The following ADGRG3 variants were observed in gnomAD, a reference collection of about 807,000 sequenced individuals.
ADGRG3 encodes the protein adhesion G protein-coupled receptor G3, also known as G protein-coupled receptor 97.
Under a neutral mutation model 54.3 loss-of-function variants are expected in ADGRG3, and 39 were observed. The ratio of observed to expected loss-of-function variants is 0.72; its 90% CI spans 0.56 to 0.94. The LOEUF (loss-of-function observed/expected upper bound fraction) is 0.94, where lower values mean the gene tolerates loss of function less well. Ranked by LOEUF, ADGRG3 falls within the 40% of genes least tolerant of loss-of-function variation. The pLI, the probability that ADGRG3 is intolerant of heterozygous loss-of-function variation, is 0.00. For synonymous variants in ADGRG3, 312 were observed against 290.0 expected, an observed-to-expected ratio of 1.08 and a Z score of -0.77; for missense variants, 654 against 694.6, an observed-to-expected ratio of 0.94 and a Z score of 0.66.
intron 10 of ADGRG3, 40 bp from the exon 11 acceptor site, chr16:57,685,603 G>A (rs937700438): frequency 6.2e-7 from 1 of 1,600,486 alleles, no homozygotes; most frequent in Non-Finnish European, 8.5e-7. Context: ...CTGGCCAGAG[G>A]TACCACTCCC....
At chr16:57,673,214 T>C in intron 1 of ADGRG3, 107 bp from the exon 2 acceptor site, 1 of 1,092,580 alleles carries the variant, frequency 9.2e-7, no homozygotes, top group East Asian at 2.4e-5. Context: ...GGAGCTGGAA[T>C]TCTAGCCCAA....
At chr16:57,666,583 A>C (rs1261782254), upstream of ADGRG3, among the ~76,000 whole-genome samples, 2 of 152,130 alleles carry the variant, frequency 1.3e-5, no homozygotes, top group Admixed American at 1.3e-4. Flanking sequence ...CACTGGAGCC[A>C]TTGGGAGAAG....
chr16:57,682,660 A>G, intron 8 of ADGRG3: 1 of 984,528 alleles, frequency 1.0e-6, no homozygotes, highest in Non-Finnish European at 1.2e-6. Flanking sequence ...CTCCTCCAGG[A>G]AGCCCCCGGC....
chr16:57,688,911 C>T lies in ADGRG3; in HGVS notation c.*450C>T, dbSNP rs928338682. ...GAGGGGCATTCAGGAGGCCAGCGTTCCCTCAGGCACTGGGGGTTTGTTTTG... is the reference window on the plus strand; with the variant it reads ...GAGGGGCATTCAGGAGGCCAGCGTTTCCTCAGGCACTGGGGGTTTGTTTTG... On this transcript the variant is annotated 3_prime_UTR_variant, in exon 12 of 12. Transcript: ENST00000333493. 2.6e-4 allele frequency: 42 copies of T among 163,854 alleles called. 1 individual carries two copies. The highest frequency in any genetic ancestry group is 2.2e-3 in the Admixed American group (38 of 17,232). The allele number at this position is 163,854 out of a possible 1,614,324, so 10.2% of individuals were successfully genotyped here.
rs112115535 is a variant in ADGRG3, at chr16:57,680,933, G to C, written c.881+316G>C. Reference sequence around the variant, plus strand: ...GGACTTCTGGCAGGGTTCGATCCAGGGGGTCAAAAGAGGTCCCCAGAACTT... The same window carrying C: ...GGACTTCTGGCAGGGTTCGATCCAGCGGGTCAAAAGAGGTCCCCAGAACTT... On this transcript the variant is annotated intron_variant, in intron 8 of 11. Coordinates refer to ENST00000333493, the MANE Select transcript of ADGRG3 (RefSeq NM_170776.5). 5.3e-5 allele frequency among the ~76,000 whole-genome samples: 8 copies of C among 152,240 alleles called. No homozygotes were observed. The East Asian group carries it at 1.4e-3, about 26-fold the overall frequency.
In ADGRG3 at chr16:57,676,181, C is replaced by T. The variant is rs12596635; in HGVS notation, c.207-19C>T. The T allele has an allele frequency of 1.9e-6, 3 of 1,611,230 alleles. No individual in the cohort carries two copies. In the Admixed American group the frequency reaches 5.0e-5, roughly 27 times the overall value. The stretch of plus-strand genomic sequence containing the variant: ...AGCCTGCAGGATCCTACCCTCCCCC[C>T]ATCCCTGGCCCTTTGCAGATACTGG... On this transcript the variant is annotated intron_variant, in intron 2 of 11. Transcript: ENST00000333493.
intron 1 of ADGRG3, among the ~76,000 whole-genome samples, chr16:57,670,455 C>T (rs1356437736): frequency 4.6e-5 from 7 of 152,206 alleles, no homozygotes; most frequent in South Asian, 2.1e-4. Context: ...GAATGGCACC[C>T]GTCCTCAAGC....
Position 57,676,345 on chromosome 16 carries a change from A to G in ADGRG3, c.345+7A>G. On this transcript the variant is annotated splice_region_variant and intron_variant, in intron 3 of 11. Transcript: ENST00000333493. The stretch of plus-strand genomic sequence containing the variant: ...CTCTCTGGAGCCCTCTCAGGTGAAG[A>G]GCTCCCCAGCCCTCTTGGCTGGTTC... The G allele has an allele frequency of 6.2e-7, 1 of 1,613,476 alleles. No homozygotes were observed. Among genetic ancestry groups the G allele is most frequent in the Non-Finnish European group, 8.5e-7 (1 of 1,179,460 alleles).
chr16:57,674,518 G>A, intron 2 of ADGRG3: 1 of 448,196 alleles, frequency 2.2e-6, no homozygotes, highest in Admixed American at 2.4e-5. Flanking sequence ...CTCAGGCTTG[G>A]TGTTAGGACA....
chr16:57,684,244 GC>G, intron 9 of ADGRG3, 32 bp downstream of exon 9: 1 of 1,599,040 alleles, frequency 6.3e-7, no homozygotes. Context: ...AGAATAAACG[GC>G]CGGCCCTGAG....
chr16:57,685,000 C>T (rs1311547296), intron 10 of ADGRG3, among the ~76,000 whole-genome samples: 3 of 152,246 alleles, frequency 2.0e-5, no homozygotes, highest in Non-Finnish European at 2.9e-5. Context: ...TCAGTCTCCT[C>T]ATCTGCACCA....
At chr16:57,679,442 A>T in intron 5 of ADGRG3, 131 bp downstream of exon 5, 1 of 1,022,028 alleles carries the variant, frequency 9.8e-7, no homozygotes, top group Non-Finnish European at 1.4e-6. Context: ...AGGAGGAGCC[A>T]TTAGGGCCAT....
chr16:57,685,584 C>G, intron 10 of ADGRG3, 59 bp from the exon 11 acceptor site: 1 of 1,550,348 alleles, frequency 6.5e-7, no homozygotes, highest in South Asian at 1.2e-5. Flanking sequence ...AGGGGACTTC[C>G]TGGGTTTGCT....
chr16:57,688,329 C>T (rs1044219405), intron 11 of ADGRG3, 23 bp from the exon 12 acceptor site: 12 of 1,501,080 alleles, frequency 8.0e-6, no homozygotes, highest in Non-Finnish European at 1.0e-5. Context: ...TCCAGGCTCA[C>T]CGAGGCCTCT....
chr16:57,685,720 T>C lies in ADGRG3; in HGVS notation c.1334T>C (p.Phe445Ser), dbSNP rs1248277261. The C allele has an allele frequency of 3.1e-6, 5 of 1,614,030 alleles. No homozygotes were observed. The African/African-American group carries it at 6.7e-5, about 22-fold the overall frequency. Residue 445 changes from phenylalanine to serine, a missense_variant, in exon 11 of 12, where the codon TTT becomes TCT. Physicochemically the swap from Phe to Ser is radical, Grantham distance 155. Coordinates refer to ENST00000333493, the MANE Select transcript of ADGRG3 (RefSeq NM_170776.5). Reference protein sequence around the residue: ...VHGYFLITFLFGMVVLALVVW... With the variant: ...VHGYFLITFLSGMVVLALVVW... Reference sequence around the variant, plus strand: ...GGCTACTTCCTCATCACCTTCCTCTTTGGCATGGTGGTCCTGGCCCTGGTG... The same window carrying C: ...GGCTACTTCCTCATCACCTTCCTCTCTGGCATGGTGGTCCTGGCCCTGGTG...
At chr16:57,682,301 C>A (rs1381599638) in intron 8 of ADGRG3, among the ~76,000 whole-genome samples, 1 of 152,190 alleles carries the variant, frequency 6.6e-6, no homozygotes, top group Non-Finnish European at 1.5e-5. Context: ...TCCTGGGGGT[C>A]CCTGGGGGTG....
chr16:57,680,572 C>T lies in ADGRG3; in HGVS notation c.836C>T (p.Ser279Phe), dbSNP rs778594741. The T allele has an allele frequency of 2.5e-6, 4 of 1,613,930 alleles. No homozygotes were observed. The South Asian group carries it at 4.4e-5, about 18-fold the overall frequency. ...ATCTCCCAGGCGGGCTGTGGGGTCT[C>T]CATGATCTTCCTGGCCTTCACCATT... ...TRISQAGCGV[S>F]MIFLAFTIIL... Residue 279 changes from serine (S) to phenylalanine (F), a missense_variant, in exon 8 of 12, where the codon TCC becomes TTC. Physicochemically the swap from Ser to Phe is radical, Grantham distance 155. Coordinates refer to ENST00000333493, the MANE Select transcript of ADGRG3 (RefSeq NM_170776.5).
At chr16:57,686,098 G>T in intron 11 of ADGRG3, 172 bp downstream of exon 11, 1 of 654,736 alleles carries the variant, frequency 1.5e-6, no homozygotes, top group Non-Finnish European at 2.6e-6. Context: ...AAGTTTGGCT[G>T]CTGTATTAGT....
Position 57,688,446 on chromosome 16 carries a change from C to G in ADGRG3, c.1635C>G (p.Ser545=), listed in dbSNP as rs147994431. 1.2e-6 allele frequency: 2 copies of G among 1,603,696 alleles called. No homozygotes were observed. Among genetic ancestry groups the G allele is most frequent in the Admixed American group, 1.7e-5 (1 of 59,988 alleles). Residue 545 remains serine, a synonymous_variant, in exon 12 of 12, where the codon TCC becomes TCG. Transcript: ENST00000333493. ...SSTARLDQAH[S]ASQE is the part of the protein sequence containing the mutation. Reference sequence around the variant, plus strand: ...CTGCAAGATTGGACCAGGCCCACTCCGCATCTCAAGAATAGGAAGGCACGG... The same window carrying G: ...CTGCAAGATTGGACCAGGCCCACTCGGCATCTCAAGAATAGGAAGGCACGG...
Sources: gnomAD v4.1 joint callset for allele counts (sites outside exome capture counted in the v4.1 genomes callset) on GRCh38, gnomAD v4.1.1 for gene constraint, MANE v1.5 for transcripts, NCBI Gene and HGNC (gene_info 2026-07-23, HGNC 2026-07-21) for gene names.